Variants in OXNAD1 observed in about 807,000 individuals in gnomAD.
The protein encoded by OXNAD1 is oxidoreductase NAD binding domain containing 1, also known as oxidoreductase NAD-binding domain-containing protein 1.
In OXNAD1, 34 loss-of-function variants were observed where a neutral mutation model predicts 32.9. The observed-to-expected ratio is 1.03, with a 90% confidence interval of 0.79 to 1.38. The LOEUF is 1.38. OXNAD1 is among the 40% of genes most tolerant of loss of function. The pLI is 0.00. For missense variants in OXNAD1, 407 were observed against 379.4 expected (o/e 1.07, Z -0.60); for synonymous variants, 134 against 135.2 (o/e 0.99, Z 0.06).
chr3:16,340,451 T>C (rs1457140330), downstream of OXNAD1, among the ~76,000 whole-genome samples: 1 of 152,218 alleles, frequency 6.6e-6, no homozygotes, highest in Non-Finnish European at 1.5e-5. Flanking sequence ...AGCTGACATA[T>C]GAGAGAGCCC....
At position 16,322,017 on chromosome 3, in the gene OXNAD1, G is replaced by A. The variant is rs960775478; in HGVS notation, c.*31-15095G>A. Among the ~76,000 whole-genome samples, 5 of 152,224 alleles carry A rather than the reference G, an allele frequency of 3.3e-5. No individual in the cohort carries two copies. The highest frequency in any genetic ancestry group is 3.3e-4 in the Admixed American group (5 of 15,286). ...TGGCACCATCTCCCTCTGTAAGGCT[G>A]CAGCGGGTGTCTGTCAGCATCTGAC... On this transcript the variant is annotated intron_variant, in intron 9 of 9. Coordinates refer to the OXNAD1 transcript ENST00000435829. This position sits in a 1 kb window ranked among gnomAD's most constrained non-coding sequence, Gnocchi z 6.2.
intron 4 of OXNAD1, among the ~76,000 whole-genome samples, chr3:16,282,037 A>ATTTTTTTTTTTTTT (rs779324288): frequency 1.0e-5 from 1 of 95,726 alleles, no homozygotes; most frequent in Non-Finnish European, 2.0e-5. Context: ...AATGTTTGTA[A>ATTTTTTTTTTTTTT]TTTTTTTTTT....
At chr3:16,330,520 AC>A (rs2070205897) in intron 9 of OXNAD1, among the ~76,000 whole-genome samples, 1 of 152,124 alleles carries the variant, frequency 6.6e-6, no homozygotes, top group African/African-American at 2.4e-5. Flanking sequence ...CACCAACAAC[AC>A]TCAAAAGCCA....
rs2070077469 is a variant in OXNAD1 at position 16,329,453 on chromosome 3, A to T, written c.*31-7659A>T. Among the ~76,000 whole-genome samples, 1 of 152,182 alleles carries T rather than the reference A, an allele frequency of 6.6e-6. No homozygotes were observed. Among genetic ancestry groups the T allele is most frequent in the South Asian group, 2.1e-4 (1 of 4,832 alleles). Reference sequence around the variant, plus strand: ...ATCCGTTTACAGGTGGGGCCAGGAGAGAATGCCATTCTGGTCCCTTCCCTG... The same window carrying T: ...ATCCGTTTACAGGTGGGGCCAGGAGTGAATGCCATTCTGGTCCCTTCCCTG... On this transcript the variant is annotated intron_variant, in intron 9 of 9. Coordinates refer to the OXNAD1 transcript ENST00000435829. The surrounding 1 kb of genome is among the most constrained non-coding windows in gnomAD (Gnocchi z 4.5).
At chr3:16,332,169 T>G (rs994039128) in intron 9 of OXNAD1, among the ~76,000 whole-genome samples, 2 of 152,082 alleles carry the variant, frequency 1.3e-5, no homozygotes, top group Non-Finnish European at 2.9e-5. Context: ...TTCTGAAAAA[T>G]GTATTTTTCC....
intron 4 of OXNAD1, among the ~76,000 whole-genome samples, chr3:16,281,545 G>A (rs552863580): frequency 3.3e-5 from 5 of 152,210 alleles, no homozygotes; most frequent in African/African-American, 9.6e-5. Context: ...AAACACTTCC[G>A]GTCCAAGCAT....
chr3:16,326,643 GGAGAGTTTACATAA>G (rs1356019674), intron 9 of OXNAD1: 1 of 679,572 alleles, frequency 1.5e-6, no homozygotes, highest in Non-Finnish European at 2.5e-6. Context: ...CTTCCCAGTG[GGAGAGTTTACATAA>G]CTACCAGCCT....
chr3:16,319,542 T>C (rs189184897), intron 9 of OXNAD1, among the ~76,000 whole-genome samples: 2 of 152,340 alleles, frequency 1.3e-5, no homozygotes, highest in Non-Finnish European at 2.9e-5. Flanking sequence ...AGTGTACAAC[T>C]GAGGACAATT....
Position 16,295,061 on chromosome 3 carries a change from T to G in OXNAD1, c.432+64T>G, listed in dbSNP as rs1288779923. 6.7e-6 allele frequency: 10 copies of G among 1,502,816 alleles called. No individual in the cohort carries two copies. In the African/African-American group the frequency reaches 1.4e-4, roughly 21 times the overall value. 93.1% of individuals were successfully genotyped at this position (1,502,816 alleles called of 1,614,324 possible). The stretch of plus-strand genomic sequence containing the variant: ...TCTCTGCCACCCACAAAATTTGTGT[T>G]AAGCTCATTTGATTCACCTAAGAAA... On this transcript the variant is annotated intron_variant, in intron 6 of 8. Coordinates refer to ENST00000285083, the MANE Select transcript of OXNAD1 (RefSeq NM_138381.5).
rs2065677346 is a variant in OXNAD1 at position 16,280,708 on chromosome 3, A to G, written c.184-5634A>G. On this transcript the variant is annotated intron_variant, in intron 4 of 8. Transcript: ENST00000285083. The surrounding 1 kb of genome is among the most constrained non-coding windows in gnomAD (Gnocchi z 4.5). ...GGGAAAGCTAGCCAGGTTTCCAAAG[A>G]AATACCTATTTCCTGTACAGAGACT... Among the ~76,000 whole-genome samples the G allele has an allele frequency of 6.6e-6, 1 of 152,284 alleles. No individual in the cohort carries two copies. The highest frequency in any genetic ancestry group is 1.9e-4 in the East Asian group (1 of 5,178).
intron 9 of OXNAD1, among the ~76,000 whole-genome samples, chr3:16,333,935 G>T (rs547297118): frequency 1.3e-5 from 2 of 152,204 alleles, no homozygotes; most frequent in Non-Finnish European, 2.9e-5. Context: ...GGAGGCCGAC[G>T]CGGGTAGAGC....
chr3:16,316,362 C>T lies in OXNAD1; in HGVS notation c.*30+12770C>T, dbSNP rs374147902. 155 of 187,862 alleles carry T rather than the reference C, an allele frequency of 8.3e-4. 2 individuals are homozygous for T. Among genetic ancestry groups the T allele is most frequent in the African/African-American group, 3.4e-3 (141 of 41,810 alleles). 11.6% of individuals were successfully genotyped at this position (187,862 alleles called of 1,614,324 possible). A position where few individuals can be genotyped will look rare whatever the true frequency, so the allele number is the denominator to read the frequency against. ...GGTTTAGGTGGAGGAGGGCAGCTGA[C>T]AGGGCTCCTGGAGTTGTTAAGTCAC... On this transcript the variant is annotated intron_variant, in intron 9 of 9. Transcript: ENST00000435829. This position sits in a 1 kb window ranked among gnomAD's most constrained non-coding sequence, Gnocchi z 4.5.
chr3:16,311,008 A>AG (rs1163404126), downstream of OXNAD1, among the ~76,000 whole-genome samples: 3 of 146,120 alleles, frequency 2.1e-5, no homozygotes, highest in African/African-American at 5.2e-5. Context: ...AAAAAAAAAA[A>AG]AAAAAATCAT....
Position 16,280,729 on chromosome 3 carries a change from A to G in OXNAD1, c.184-5613A>G, listed in dbSNP as rs1207846058. Among the ~76,000 whole-genome samples, 8 of 152,212 alleles carry G rather than the reference A, an allele frequency of 5.3e-5. No individual in the cohort carries two copies. Among genetic ancestry groups the G allele is most frequent in the Non-Finnish European group, 1.0e-4 (7 of 68,036 alleles). Reference sequence around the variant, plus strand: ...AAAGAAATACCTATTTCCTGTACAGAGACTTTTGCACCAGCGGTAACATCA... The same window carrying G: ...AAAGAAATACCTATTTCCTGTACAGGGACTTTTGCACCAGCGGTAACATCA... On this transcript the variant is annotated intron_variant, in intron 4 of 8. Transcript: ENST00000285083. This position sits in a 1 kb window ranked among gnomAD's most constrained non-coding sequence, Gnocchi z 4.5.
In OXNAD1 at chr3:16,269,267, A is replaced by G. The variant is rs2064765987; in HGVS notation, c.-17A>G. The G allele has an allele frequency of 6.5e-7, 1 of 1,535,388 alleles. No homozygotes were observed. The highest frequency in any genetic ancestry group is 8.7e-7 in the Non-Finnish European group (1 of 1,146,766). ...CTTAATGACTCCTAAAATCTCGTGG[A>G]CTTCTAAGGTAAGTTTCAACTTCTT... On this transcript the variant is annotated 5_prime_UTR_variant, in exon 2 of 9. Transcript: ENST00000285083.
chr3:16,286,178 A>G (rs2066057721), intron 4 of OXNAD1, among the ~76,000 whole-genome samples, 164 bp from the exon 5 acceptor site: 1 of 152,254 alleles, frequency 6.6e-6, no homozygotes, highest in Non-Finnish European at 1.5e-5. Context: ...ATGTATTCAC[A>G]TGGTGGTAGG....
rs560452611 is a variant in OXNAD1, at chr3:16,344,335, T to C, written c.*31-4841T>C. On this transcript the variant is annotated intron_variant, in intron 9 of 9. Coordinates refer to the OXNAD1 transcript ENST00000606098. This position sits in a 1 kb window ranked among gnomAD's most constrained non-coding sequence, Gnocchi z 4.4. ...TTAGATCAGTAATTTTCAAGGTTTTTTTTTTTTAATTAGTAGGATGCTTCC... is the reference window on the plus strand; with the variant it reads ...TTAGATCAGTAATTTTCAAGGTTTTCTTTTTTTAATTAGTAGGATGCTTCC... 6.6e-6 allele frequency among the ~76,000 whole-genome samples: 1 copy of C among 152,138 alleles called. No individual in the cohort carries two copies. The highest frequency in any genetic ancestry group is 1.9e-4 in the East Asian group (1 of 5,184).
intron 4 of OXNAD1, chr3:16,276,212 G>A (rs943943175): frequency 4.4e-6 from 1 of 229,034 alleles, no homozygotes; most frequent in Non-Finnish European, 8.6e-6. Context: ...GATGAATCAA[G>A]TAATTGCGTG....
rs532272192 is a variant in OXNAD1 at position 16,269,758 on chromosome 3, G to A, written c.-9+483G>A. 1.1e-3 allele frequency among the ~76,000 whole-genome samples: 167 copies of A among 152,270 alleles called. 1 individual carries two copies. The highest frequency in any genetic ancestry group is 3.8e-3 in the African/African-American group (160 of 41,560). Reference sequence around the variant, plus strand: ...GAGTAGGAATGTAAACACTTAGCTTGAATATTTTGCTAACAGCAATTTATC... The same window carrying A: ...GAGTAGGAATGTAAACACTTAGCTTAAATATTTTGCTAACAGCAATTTATC... On this transcript the variant is annotated intron_variant, in intron 2 of 8. Coordinates refer to ENST00000285083, the MANE Select transcript of OXNAD1 (RefSeq NM_138381.5).
Sources: gnomAD v4.1 joint callset for allele counts (sites outside exome capture counted in the v4.1 genomes callset) on GRCh38, gnomAD v4.1.1 for gene constraint, Gnocchi (gnomAD v3.1) non-coding constraint, MANE v1.5 for transcripts, NCBI Gene and HGNC (gene_info 2026-07-23, HGNC 2026-07-21) for gene names.